The following SLC41A2 variants were observed in gnomAD, a reference collection of about 807,000 sequenced individuals.
The protein encoded by SLC41A2 is SLC41A1-like 1.
Under a neutral mutation model 58.3 loss-of-function variants are expected in SLC41A2, and 32 were observed. That is an observed-to-expected ratio of 0.55 (90% CI 0.41 to 0.74). The LOEUF is 0.74. SLC41A2 is among the 30% of genes least tolerant of loss of function. The pLI is 0.00. For synonymous variants in SLC41A2, 190 were observed against 235.0 expected, an observed-to-expected ratio of 0.81 and a Z score of 1.75; for missense variants, 514 against 680.6, an observed-to-expected ratio of 0.76 and a Z score of 2.72.
chr12:104,806,043 T>C (rs2040881591), intron 10 of SLC41A2, among the ~76,000 whole-genome samples: 1 of 151,990 alleles, frequency 6.6e-6, no homozygotes, highest in African/African-American at 2.4e-5. Context: ...AGTAGGGGGA[T>C]TTTCTTTATT....
intron 10 of SLC41A2, among the ~76,000 whole-genome samples, chr12:104,838,343 T>A (rs2042283666): frequency 6.6e-6 from 1 of 152,226 alleles, no homozygotes; most frequent in Non-Finnish European, 1.5e-5. Flanking sequence ...GGAAGTTTAT[T>A]AGTTAATATA....
intron 8 of SLC41A2, among the ~76,000 whole-genome samples, chr12:104,860,375 T>G (rs551879198): frequency 2.7e-5 from 4 of 149,414 alleles, no homozygotes; most frequent in Admixed American, 6.7e-5. Flanking sequence ...GTTCTGCACA[T>G]GTATCCCAGA....
At chr12:104,806,134 T>C (rs2040888153) in intron 10 of SLC41A2, among the ~76,000 whole-genome samples, 1 of 152,218 alleles carries the variant, frequency 6.6e-6, no homozygotes, top group Non-Finnish European at 1.5e-5. Context: ...TACGTATGTA[T>C]ACATGTGCCA....
chr12:104,834,728 T>C (rs56747454), intron 10 of SLC41A2, among the ~76,000 whole-genome samples: 2,799 of 151,554 alleles, frequency 0.018, 103 homozygotes, highest in African/African-American at 0.063. Flanking sequence ...GGGCCTACTA[T>C]GTGTCAAGTA....
chr12:104,858,645 T>C (rs1471548272), intron 8 of SLC41A2, among the ~76,000 whole-genome samples: 1 of 152,178 alleles, frequency 6.6e-6, no homozygotes, highest in East Asian at 1.9e-4. Context: ...GAGTGGAATT[T>C]ATAAGCTCAT....
intron 8 of SLC41A2, among the ~76,000 whole-genome samples, chr12:104,848,421 T>G (rs1282594206): frequency 2.0e-5 from 3 of 151,280 alleles, no homozygotes; most frequent in Non-Finnish European, 4.4e-5. Flanking sequence ...AGAAAAAAAA[T>G]TAAACCAAAA....
At chr12:104,871,252 TTAGA>T (rs1372657980) in intron 6 of SLC41A2, among the ~76,000 whole-genome samples, 2 of 152,198 alleles carry the variant, frequency 1.3e-5, no homozygotes, top group Non-Finnish European at 2.9e-5. Flanking sequence ...CACACAAGAA[TTAGA>T]TAGCCATGCA....
chr12:104,906,851 G>A (rs58440021), intron 3 of SLC41A2, among the ~76,000 whole-genome samples: 1 of 152,286 alleles, frequency 6.6e-6, no homozygotes, highest in Non-Finnish European at 1.5e-5. Flanking sequence ...AACCTGGATT[G>A]ATTTTTCCTC....
intron 3 of SLC41A2, among the ~76,000 whole-genome samples, chr12:104,897,380 A>G (rs971294003): frequency 2.0e-5 from 3 of 151,882 alleles, no homozygotes; most frequent in African/African-American, 7.3e-5. Context: ...CCTGGCCCCA[A>G]GTGATTTGCC....
chr12:104,954,922 T>G (rs575353853), intron 1 of SLC41A2, among the ~76,000 whole-genome samples: 260 of 152,170 alleles, frequency 1.7e-3, no homozygotes, highest in Middle Eastern at 6.8e-3. Flanking sequence ...CCCTGAACCT[T>G]CTAGGCCCAT....
intron 3 of SLC41A2, among the ~76,000 whole-genome samples, chr12:104,899,537 G>A (rs764005550): frequency 5.9e-5 from 9 of 152,058 alleles, no homozygotes; most frequent in Non-Finnish European, 1.2e-4. Context: ...CTTGGTTCTT[G>A]CAGCTACCAA....
chr12:104,892,328 A>AAAAAAAAAAAAAAAAAAAAAAAAAAAAAC (rs1272873332), intron 4 of SLC41A2, among the ~76,000 whole-genome samples: 3 of 126,926 alleles, frequency 2.4e-5, no homozygotes, highest in African/African-American at 1.1e-4. Flanking sequence ...AAATAAAATA[A>AAAAAAAAAAAAAAAAAAAAAAAAAAAAAC]AATAAAATAT....
chr12:104,852,419 CTT>C (rs1434790953), intron 8 of SLC41A2, among the ~76,000 whole-genome samples: 2 of 152,172 alleles, frequency 1.3e-5, no homozygotes, highest in South Asian at 2.1e-4. Context: ...TGCAACTTCT[CTT>C]GAGTTTGAAA....
chr12:104,816,465 G>A (rs1009323126), intron 10 of SLC41A2, among the ~76,000 whole-genome samples: 9 of 152,164 alleles, frequency 5.9e-5, no homozygotes, highest in Admixed American at 1.3e-4. Context: ...CTGAGCAGGC[G>A]GCTGCCCTGG....
intron 10 of SLC41A2, among the ~76,000 whole-genome samples, chr12:104,825,207 G>A (rs1055874084): frequency 6.6e-6 from 1 of 152,126 alleles, no homozygotes; most frequent in African/African-American, 2.4e-5. Context: ...CCTCCACCTC[G>A]ACAGTCACAG....
chr12:104,932,749 T>C (rs1017647375), intron 1 of SLC41A2, among the ~76,000 whole-genome samples: 8 of 150,002 alleles, frequency 5.3e-5, no homozygotes, highest in Non-Finnish European at 7.4e-5. Flanking sequence ...AACCAACTGA[T>C]ATTCAAGAAG....
intron 10 of SLC41A2, among the ~76,000 whole-genome samples, chr12:104,808,195 C>T (rs2041006768): frequency 6.6e-6 from 1 of 152,150 alleles, no homozygotes; most frequent in African/African-American, 2.4e-5. Context: ...ATGATATTGG[C>T]TGTGGGTTTG....
chr12:104,838,265 A>G (rs545354715), intron 10 of SLC41A2, among the ~76,000 whole-genome samples: 16 of 152,226 alleles, frequency 1.1e-4, no homozygotes, highest in Non-Finnish European at 2.1e-4. Flanking sequence ...TCGTAGGTAT[A>G]TTCACATTAC....
At position 104,892,328 on chromosome 12, in the gene SLC41A2, A is replaced by AAAAAC. The variant is rs1272873332; in HGVS notation, c.735+2945_735+2946insGTTTT. Among the ~76,000 whole-genome samples, 21 of 126,922 alleles carry AAAAAC rather than the reference A, an allele frequency of 1.7e-4. 1 individual carries two copies. Among genetic ancestry groups the AAAAAC allele is most frequent in the East Asian group, 6.9e-4 (2 of 2,912 alleles). The allele number at this position is 126,922 out of a possible 152,430, so 83.3% of individuals were successfully genotyped here. A position where few individuals can be genotyped will look rare whatever the true frequency, so the allele number is the denominator to read the frequency against. ...AAATAAAATAAAATAAAATAAAATA[A>AAAAAC]AATAAAATATTGATGCAAGAAATTG... is the stretch of plus-strand genomic sequence containing the variant. On this transcript the variant is annotated intron_variant, in intron 4 of 10. Transcript: ENST00000258538.
Sources: gnomAD v4.1 joint callset for allele counts (sites outside exome capture counted in the v4.1 genomes callset) on GRCh38, gnomAD v4.1.1 for gene constraint, MANE v1.5 for transcripts, NCBI Gene and HGNC (gene_info 2026-07-23, HGNC 2026-07-21) for gene names.